The following TSPAN14 variants were observed in gnomAD, a reference collection of about 807,000 sequenced individuals.
TSPAN14 encodes tetraspanin-14.
A neutral mutation model predicts 36.6 loss-of-function variants in TSPAN14; 16 were observed. That is an observed-to-expected ratio of 0.44 (90% confidence interval 0.30 to 0.66). The LOEUF is 0.66. Among genes scored for constraint, TSPAN14 ranks in the 30% least tolerant of loss-of-function variants. The pLI is 0.12. For synonymous variants in TSPAN14, 139 were observed against 143.8 expected, an observed-to-expected ratio of 0.97 and a Z score of 0.24; for missense variants, 231 against 355.1, an observed-to-expected ratio of 0.65 and a Z score of 2.81.
At chr10:80,487,777 G>A (rs529977385) in intron 1 of TSPAN14, among the ~76,000 whole-genome samples, 58 of 152,214 alleles carry the variant, frequency 3.8e-4, no homozygotes, top group African/African-American at 9.6e-4. Flanking sequence ...CTGGGTAGCC[G>A]TCTGCCTGTC....
intron 3 of TSPAN14, among the ~76,000 whole-genome samples, chr10:80,506,977 G>A (rs533476424): frequency 6.6e-6 from 1 of 152,376 alleles, no homozygotes; most frequent in South Asian, 2.1e-4. Context: ...GAAGCCTGGT[G>A]GCTGCCTAGG....
chr10:80,498,452 A>G (rs902459789), intron 2 of TSPAN14, among the ~76,000 whole-genome samples: 6 of 152,028 alleles, frequency 3.9e-5, no homozygotes, highest in African/African-American at 1.4e-4. Context: ...TTTTCTTTCC[A>G]TCATCCTTTC....
At chr10:80,496,010 G>A (rs1434374782) in intron 2 of TSPAN14, among the ~76,000 whole-genome samples, 2 of 151,922 alleles carry the variant, frequency 1.3e-5, no homozygotes, top group African/African-American at 2.4e-5. Context: ...CTTTTTTTTA[G>A]TTAGGTGGTA....
intron 1 of TSPAN14, among the ~76,000 whole-genome samples, chr10:80,460,330 T>A (rs750549016): frequency 3.9e-5 from 6 of 152,196 alleles, no homozygotes; most frequent in South Asian, 2.1e-4. Context: ...GAGAAATACG[T>A]TCAGATATCC....
At chr10:80,517,087 C>G (rs955939131) in intron 8 of TSPAN14, among the ~76,000 whole-genome samples, 7 of 152,178 alleles carry the variant, frequency 4.6e-5, no homozygotes, top group African/African-American at 1.4e-4. Flanking sequence ...TCCACTGATG[C>G]ATTTCTTGTG....
At chr10:80,454,700 C>T (rs1335201959) in intron 1 of TSPAN14, among the ~76,000 whole-genome samples, 1 of 152,122 alleles carries the variant, frequency 6.6e-6, no homozygotes, top group African/African-American at 2.4e-5. Context: ...CGAGTGCGCG[C>T]CCGTGCCGGG....
At chr10:80,474,286 C>A (rs149704363) in intron 1 of TSPAN14, among the ~76,000 whole-genome samples, 160 of 151,732 alleles carry the variant, frequency 1.1e-3, no homozygotes, top group African/African-American at 3.4e-3. Flanking sequence ...AATTTGGGGG[C>A]ATGGGGTGTA....
At chr10:80,475,426 T>C (rs1479785274) in intron 1 of TSPAN14, among the ~76,000 whole-genome samples, 1 of 152,098 alleles carries the variant, frequency 6.6e-6, no homozygotes, top group African/African-American at 2.4e-5. Context: ...ATTAACTTCG[T>C]GTGGTGGTAC....
chr10:80,478,668 A>G (rs999620068), intron 1 of TSPAN14, among the ~76,000 whole-genome samples: 5 of 152,180 alleles, frequency 3.3e-5, no homozygotes, highest in African/African-American at 1.2e-4. Context: ...TGAATATAGG[A>G]GGTGGGGGAG....
At chr10:80,519,027 C>A (rs1435351657) in exon 9 of TSPAN14, 1 of 152,846 alleles carries the variant, frequency 6.5e-6, no homozygotes, top group African/African-American at 2.4e-5. Flanking sequence ...GAAATTGTCA[C>A]CCAGAATTTG....
intron 1 of TSPAN14, among the ~76,000 whole-genome samples, chr10:80,463,671 T>G (rs1180021704): frequency 6.6e-6 from 1 of 152,242 alleles, no homozygotes; most frequent in East Asian, 1.9e-4. Flanking sequence ...TTCAGTGTTT[T>G]GTTTCTATAG....
chr10:80,502,360 G>C (rs573421653), intron 2 of TSPAN14, among the ~76,000 whole-genome samples: 5 of 152,318 alleles, frequency 3.3e-5, no homozygotes, highest in South Asian at 4.1e-4. Context: ...GTTTCGAGGA[G>C]GGGAGTTCCC....
chr10:80,480,019 A>C (rs1480248874), intron 1 of TSPAN14, among the ~76,000 whole-genome samples: 1 of 141,690 alleles, frequency 7.1e-6, no homozygotes, highest in Non-Finnish European at 1.5e-5. Context: ...ATCCCTTGTA[A>C]GTTGGATTCC....
At chr10:80,457,046 G>A (rs889754163) in intron 1 of TSPAN14, among the ~76,000 whole-genome samples, 1 of 151,826 alleles carries the variant, frequency 6.6e-6, no homozygotes, top group Non-Finnish European at 1.5e-5. Context: ...TGGGCAACAA[G>A]AATGAAACTC....
At chr10:80,508,372 C>A (rs531123441) in intron 4 of TSPAN14, among the ~76,000 whole-genome samples, 1 of 152,308 alleles carries the variant, frequency 6.6e-6, no homozygotes, top group African/African-American at 2.4e-5. Flanking sequence ...CTCGCCTCGG[C>A]CTCCCAAAGT....
intron 1 of TSPAN14, among the ~76,000 whole-genome samples, chr10:80,484,117 C>T (rs1034411828): frequency 2.6e-5 from 4 of 151,146 alleles, no homozygotes; most frequent in African/African-American, 7.3e-5. Context: ...TGGTGGCATG[C>T]ACCTGTGGTC....
intron 2 of TSPAN14, among the ~76,000 whole-genome samples, chr10:80,503,265 A>G (rs1207754335): frequency 6.6e-6 from 1 of 152,060 alleles, no homozygotes; most frequent in African/African-American, 2.4e-5. Flanking sequence ...GTTCAGGGGG[A>G]GGACTGAGAA....
At chr10:80,474,577 G>T (rs942577062) in intron 1 of TSPAN14, among the ~76,000 whole-genome samples, 2 of 152,064 alleles carry the variant, frequency 1.3e-5, no homozygotes, top group East Asian at 1.9e-4. Flanking sequence ...TCCATGCTTT[G>T]TCTGGTATTT....
chr10:80,517,813 T>G, intron 8 of TSPAN14, 92 bp from the exon 9 acceptor site: 1 of 1,226,764 alleles, frequency 8.2e-7, no homozygotes, highest in Non-Finnish European at 1.2e-6. Context: ...AGGAGAGGCG[T>G]GCAGTGGGAG....
Sources: gnomAD v4.1 joint callset for allele counts (sites outside exome capture counted in the v4.1 genomes callset) on GRCh38, gnomAD v4.1.1 for gene constraint, MANE v1.5 for transcripts, NCBI Gene and HGNC (gene_info 2026-07-23, HGNC 2026-07-21) for gene names.